CENPP: variants seen among roughly 807,000 people sequenced by gnomAD.
CENPP encodes centromere protein P.
CENPP carries 24 observed loss-of-function variants against 35.6 expected under a neutral mutation model. The observed-to-expected ratio is 0.67, with a 90% CI of 0.49 to 0.95. The LOEUF is 0.95. Among genes scored for constraint, CENPP ranks in the 40% least tolerant of loss-of-function variants. CENPP has a pLI of 0.00. For missense variants in CENPP, 332 were observed against 345.3 expected (o/e 0.96, Z 0.31); for synonymous variants, 120 against 125.5 (o/e 0.96, Z 0.29).
intron 5 of CENPP, among the ~76,000 whole-genome samples, chr9:92,511,019 A>C (rs1385237774): frequency 6.6e-6 from 1 of 152,206 alleles, no homozygotes; most frequent in Non-Finnish European, 1.5e-5. Flanking sequence ...AGTGGAATAT[A>C]GTGTGCTTTA....
At position 92,381,824 on chromosome 9, in the gene CENPP, T is replaced by G. The variant is rs953696084; in HGVS notation, c.564+1965T>G. 2.6e-5 allele frequency among the ~76,000 whole-genome samples: 4 copies of G among 152,178 alleles called. 1 individual carries two copies. Among genetic ancestry groups the G allele is most frequent in the African/African-American group, 9.7e-5 (4 of 41,444 alleles). ...ACCGCATACTCTTTTCCACAGTGCTTGTACCATTTTACACCAGCAAAGCAC... is the reference window on the plus strand; with the variant it reads ...ACCGCATACTCTTTTCCACAGTGCTGGTACCATTTTACACCAGCAAAGCAC... On this transcript the variant is annotated intron_variant, in intron 5 of 7. Coordinates refer to ENST00000375587, the MANE Select transcript of CENPP (RefSeq NM_001012267.3).
chr9:92,530,200 T>C (rs1848659103), intron 5 of CENPP, among the ~76,000 whole-genome samples: 1 of 152,160 alleles, frequency 6.6e-6, no homozygotes, highest in Non-Finnish European at 1.5e-5. Flanking sequence ...GACAGTACTA[T>C]AAAGGTGGGT....
intron 5 of CENPP, among the ~76,000 whole-genome samples, chr9:92,562,536 T>C (rs927903962): frequency 1.3e-5 from 2 of 152,026 alleles, no homozygotes; most frequent in Non-Finnish European, 2.9e-5. Flanking sequence ...GTGAGACCAT[T>C]AGAGATTTCA....
intron 5 of CENPP, among the ~76,000 whole-genome samples, chr9:92,601,314 T>C (rs1850911122): frequency 6.6e-6 from 1 of 152,192 alleles, no homozygotes; most frequent in African/African-American, 2.4e-5. Context: ...TCCAGCCTTG[T>C]AGCCTGGGGA....
intron 5 of CENPP, among the ~76,000 whole-genome samples, chr9:92,396,243 C>A (rs903834781): frequency 4.6e-5 from 7 of 152,144 alleles, no homozygotes; most frequent in African/African-American, 1.7e-4. Context: ...GCCAATACTG[C>A]AGTGTCTTGA....
intron 4 of CENPP, among the ~76,000 whole-genome samples, chr9:92,360,578 T>C (rs78680576): frequency 0.011 from 1,636 of 152,232 alleles, 20 homozygotes; most frequent in South Asian, 0.054. Flanking sequence ...ATAATAATGA[T>C]AATAATAAAA....
intron 5 of CENPP, among the ~76,000 whole-genome samples, chr9:92,397,396 C>T (rs910843675): frequency 1.2e-4 from 19 of 152,100 alleles, no homozygotes; most frequent in African/African-American, 4.3e-4. Flanking sequence ...GGTGCCATCT[C>T]GTCTCACTGC....
rs372566986 is a variant in CENPP, at chr9:92,552,069, G to T, written c.565-59245G>T. ...TATAGGTCTATCATATATGTGATAT[G>T]ATAGATCTATCATATATGTGATATG... On this transcript the variant is annotated intron_variant, in intron 5 of 7. Coordinates refer to ENST00000375587, the MANE Select transcript of CENPP (RefSeq NM_001012267.3). Among the ~76,000 whole-genome samples, 7 of 128,122 alleles carry T rather than the reference G, an allele frequency of 5.5e-5. 1 individual carries two copies. Among genetic ancestry groups the T allele is most frequent in the Non-Finnish European group, 9.6e-5 (6 of 62,738 alleles). The allele number at this position is 128,122 out of a possible 152,430, so 84.1% of individuals were successfully genotyped here. A position where few individuals can be genotyped will look rare whatever the true frequency, so the allele number is the denominator to read the frequency against.
intron 5 of CENPP, among the ~76,000 whole-genome samples, chr9:92,445,339 A>ATC (rs1351574694): frequency 6.6e-6 from 1 of 151,968 alleles, no homozygotes; most frequent in Non-Finnish European, 1.5e-5. Context: ...TGAGCCTAGC[A>ATC]TCTCTGTCTT....
intron 5 of CENPP, among the ~76,000 whole-genome samples, chr9:92,601,347 A>G (rs1299955980): frequency 6.6e-6 from 1 of 152,154 alleles, no homozygotes; most frequent in Non-Finnish European, 1.5e-5. Flanking sequence ...TTTCAGTCGG[A>G]CGCTGTGTCA....
At chr9:92,440,751 AG>A (rs1386313444) in intron 5 of CENPP, among the ~76,000 whole-genome samples, 1 of 152,206 alleles carries the variant, frequency 6.6e-6, no homozygotes, top group Non-Finnish European at 1.5e-5. Flanking sequence ...TGTGAGTGGA[AG>A]ACGTGAACAG....
chr9:92,603,071 A>C (rs560373820), intron 5 of CENPP, among the ~76,000 whole-genome samples: 1 of 152,256 alleles, frequency 6.6e-6, no homozygotes, highest in East Asian at 1.9e-4. Flanking sequence ...TTACAGGCAT[A>C]AGCCACCACA....
chr9:92,541,916 C>T (rs1365465585), intron 5 of CENPP, among the ~76,000 whole-genome samples: 1 of 152,142 alleles, frequency 6.6e-6, no homozygotes, highest in Non-Finnish European at 1.5e-5. Context: ...GCCTCAGCTT[C>T]ATGAGTAGCT....
intron 3 of CENPP, among the ~76,000 whole-genome samples, chr9:92,341,001 C>T (rs1841097753): frequency 6.6e-6 from 1 of 152,112 alleles, no homozygotes; most frequent in African/African-American, 2.4e-5. Context: ...AATTCTTTTT[C>T]TCAGCATGGG....
intron 5 of CENPP, among the ~76,000 whole-genome samples, chr9:92,425,412 T>C (rs1489579259): frequency 6.6e-6 from 1 of 152,248 alleles, no homozygotes; most frequent in African/African-American, 2.4e-5. Flanking sequence ...AATTTCTTCA[T>C]TTCATAGAGC....
rs1588108937 is a variant in CENPP at position 92,408,280 on chromosome 9, G to C, written c.564+28421G>C. Among the ~76,000 whole-genome samples the C allele has an allele frequency of 1.3e-5, 2 of 152,232 alleles. 1 individual carries two copies. Among genetic ancestry groups the C allele is most frequent in the South Asian group, 4.1e-4 (2 of 4,828 alleles). ...AGCTCACTGCAACCTCCGCCTCCCG[G>C]GTTTAAGCAATTCTTCTGCCTCAGC... On this transcript the variant is annotated intron_variant, in intron 5 of 7. Coordinates refer to ENST00000375587, the MANE Select transcript of CENPP (RefSeq NM_001012267.3).
chr9:92,580,180 C>A (rs929209045), intron 5 of CENPP, among the ~76,000 whole-genome samples: 19 of 151,914 alleles, frequency 1.3e-4, no homozygotes, highest in African/African-American at 3.4e-4. Flanking sequence ...TAAGCTTTTT[C>A]ATGTGCTGCT....
At chr9:92,339,299 A>G (rs1032871239) in intron 3 of CENPP, among the ~76,000 whole-genome samples, 7 of 152,238 alleles carry the variant, frequency 4.6e-5, no homozygotes, top group Non-Finnish European at 1.0e-4. Context: ...CCCATTTTGT[A>G]TGAGACAGGA....
chr9:92,358,466 A>G (rs551927901), intron 4 of CENPP, among the ~76,000 whole-genome samples: 7 of 150,770 alleles, frequency 4.6e-5, no homozygotes, highest in African/African-American at 1.7e-4. Flanking sequence ...CTGGTCTTGA[A>G]CTCCTGACCT....
Sources: allele counts gnomAD v4.1 joint callset (sites outside exome capture counted in the v4.1 genomes callset), GRCh38; gene constraint gnomAD v4.1.1; transcripts MANE v1.5; gene names NCBI Gene and HGNC (gene_info 2026-07-23, HGNC 2026-07-21).